Variants in TTC27 observed in about 807,000 individuals in gnomAD.
TTC27 encodes the protein tetratricopeptide repeat protein 27.
A neutral mutation model predicts 115.9 loss-of-function variants in TTC27; 79 were observed. The ratio of observed to expected loss-of-function variants is 0.68; its 90% CI spans 0.57 to 0.82. The LOEUF (loss-of-function observed/expected upper bound fraction) is 0.82, where lower values mean the gene tolerates loss of function less well. TTC27 is among the 40% of genes least tolerant of loss of function. The pLI is 0.00. For missense variants in TTC27, 1,054 were observed against 993.1 expected (o/e 1.06, Z -0.82); for synonymous variants, 401 against 356.0 (o/e 1.13, Z -1.42).
At chr2:32,631,652 T>C (rs1278022474) in intron 2 of TTC27, among the ~76,000 whole-genome samples, 1 of 152,200 alleles carries the variant, frequency 6.6e-6, no homozygotes, top group Non-Finnish European at 1.5e-5. Flanking sequence ...CCATTATTTC[T>C]AGGAAATAGC....
At chr2:32,799,960 A>G (rs1026375751) in intron 16 of TTC27, among the ~76,000 whole-genome samples, 5 of 152,186 alleles carry the variant, frequency 3.3e-5, no homozygotes, top group Admixed American at 6.5e-5. Context: ...AAGAGCACGT[A>G]CTCTGGAGTT....
chr2:32,801,165 CTG>C (rs1303607318), intron 16 of TTC27, among the ~76,000 whole-genome samples: 1 of 152,160 alleles, frequency 6.6e-6, no homozygotes, highest in Non-Finnish European at 1.5e-5. Flanking sequence ...AGTGTTTTAA[CTG>C]TCTTAGTCTT....
chr2:32,674,873 A>C (rs1385483282), intron 8 of TTC27, among the ~76,000 whole-genome samples: 6 of 152,124 alleles, frequency 3.9e-5, no homozygotes, highest in African/African-American at 1.4e-4. Context: ...TGTGTTAGCC[A>C]GGATGGTCTT....
At chr2:32,650,105 T>G in intron 4 of TTC27, 26 bp from the exon 5 acceptor site, 1 of 1,569,916 alleles carries the variant, frequency 6.4e-7, no homozygotes, top group South Asian at 1.1e-5. Context: ...TCCTTTTATT[T>G]CAGCTTACGT....
At chr2:32,813,356 A>T (rs780606408) in intron 18 of TTC27, among the ~76,000 whole-genome samples, 1 of 152,214 alleles carries the variant, frequency 6.6e-6, no homozygotes, top group Non-Finnish European at 1.5e-5. Flanking sequence ...TAATTACAAC[A>T]AATAGGGAGC....
At chr2:32,805,181 C>A (rs531302951) in intron 16 of TTC27, among the ~76,000 whole-genome samples, 2 of 152,302 alleles carry the variant, frequency 1.3e-5, no homozygotes, top group South Asian at 4.1e-4. Flanking sequence ...TTCTTCAGCT[C>A]CTCTGTGCTC....
chr2:32,681,234 T>C (rs954418293), intron 9 of TTC27, among the ~76,000 whole-genome samples: 3 of 152,220 alleles, frequency 2.0e-5, no homozygotes, highest in Non-Finnish European at 4.4e-5. Context: ...AAGAAACTTC[T>C]ATGTGAGGAG....
intron 9 of TTC27, among the ~76,000 whole-genome samples, chr2:32,695,491 C>T (rs1377911376): frequency 5.9e-5 from 9 of 151,676 alleles, no homozygotes; most frequent in South Asian, 2.1e-4. Context: ...GAGACCGAGG[C>T]GGGCAGATCA....
At chr2:32,664,158 A>G (rs1665671759) in intron 5 of TTC27, 145 bp from the exon 6 acceptor site, 3 of 626,438 alleles carry the variant, frequency 4.8e-6, no homozygotes, top group Non-Finnish European at 7.6e-6. Context: ...TATTAGTGTT[A>G]CTGTATTCCT....
At chr2:32,668,556 C>CCTT in intron 7 of TTC27, among the ~76,000 whole-genome samples, 1 of 10,210 alleles carries the variant, frequency 9.8e-5, no homozygotes, top group African/African-American at 3.1e-4. Flanking sequence ...CTCCCTCCCT[C>CCTT]CCTCCCTTCC....
rs142785786 is a variant in TTC27, at chr2:32,736,695, G to T, written c.1331G>T (p.Arg444Leu). The T allele has an allele frequency of 3.1e-6, 5 of 1,613,500 alleles. No individual in the cohort carries two copies. The South Asian group carries it at 4.4e-5, about 14-fold the overall frequency. ...CQVPPHWAIQ[R>L]QLASLLFELG... ...ATTATTTTTACTTGATTTTTCTAGC[G>T]CCAACTTGCAAGTTTGCTCTTTGAG... Residue 444 changes from arginine (R) to leucine (L), a missense_variant and splice_region_variant, in exon 12 of 20, where the codon CGC becomes CTC. Physicochemically the swap from Arg to Leu is moderately radical, Grantham distance 102 (BLOSUM62 -2). Transcript: ENST00000317907.
chr2:32,710,172 A>G (rs6543670), intron 10 of TTC27, among the ~76,000 whole-genome samples: 80,902 of 151,658 alleles, frequency 0.53, 22,290 homozygotes, highest in Middle Eastern at 0.71. Flanking sequence ...TGCACCACCG[A>G]CTTAATTTTT....
intron 7 of TTC27, among the ~76,000 whole-genome samples, chr2:32,669,129 AT>A (rs1665912903): frequency 6.6e-6 from 1 of 152,092 alleles, no homozygotes; most frequent in Non-Finnish European, 1.5e-5. Context: ...CTGTTTATCT[AT>A]TTAGAGACCA....
chr2:32,756,462 A>AT (rs1669236396), intron 12 of TTC27, among the ~76,000 whole-genome samples: 1 of 152,164 alleles, frequency 6.6e-6, no homozygotes, highest in South Asian at 2.1e-4. Context: ...ACTTAAAAGT[A>AT]TTTTTTCTTA....
At chr2:32,702,626 G>A (rs1667226432) in intron 9 of TTC27, among the ~76,000 whole-genome samples, 181 bp from the exon 10 acceptor site, 1 of 152,162 alleles carries the variant, frequency 6.6e-6, no homozygotes, top group Non-Finnish European at 1.5e-5. Context: ...ATTCTCATAT[G>A]TTTTAGAATG....
At chr2:32,798,565 C>T (rs1351119051) in intron 16 of TTC27, among the ~76,000 whole-genome samples, 1 of 147,492 alleles carries the variant, frequency 6.8e-6, no homozygotes, top group South Asian at 2.2e-4. Flanking sequence ...ATTAGCCAGG[C>T]GTGGTGGTGG....
chr2:32,682,844 G>GTTTCT (rs142030247), intron 9 of TTC27, among the ~76,000 whole-genome samples: 1 of 56,988 alleles, frequency 1.8e-5, no homozygotes, highest in Non-Finnish European at 3.0e-5. Flanking sequence ...AATTTTTATT[G>GTTTCT]TTGTTTTTTT....
In TTC27 at chr2:32,748,898, G is replaced by A. The variant is rs929511396; in HGVS notation, c.1453-9394G>A. Among the ~76,000 whole-genome samples the A allele has an allele frequency of 2.6e-5, 4 of 151,914 alleles. No individual in the cohort carries two copies. In the South Asian group the frequency reaches 8.3e-4, roughly 32 times the overall value. ...AGACGGGGTTTCACCATGTTGGCCA[G>A]ACTGGTCTCGAACTCCTGACCTCAG... On this transcript the variant is annotated intron_variant, in intron 12 of 19. Transcript: ENST00000317907.
At chr2:32,667,895 A>C (rs1183145975) in intron 7 of TTC27, among the ~76,000 whole-genome samples, 1 of 149,122 alleles carries the variant, frequency 6.7e-6, no homozygotes, top group Non-Finnish European at 1.5e-5. Flanking sequence ...CTCTATTAAA[A>C]ATACAAAATT....
Sources: gnomAD v4.1 joint callset for allele counts (sites outside exome capture counted in the v4.1 genomes callset) on GRCh38, gnomAD v4.1.1 for gene constraint, MANE v1.5 for transcripts, NCBI Gene and HGNC (gene_info 2026-07-23, HGNC 2026-07-21) for gene names.